The following NR4A1 variants were observed in gnomAD, a reference collection of about 807,000 sequenced individuals.
The protein encoded by NR4A1 is nuclear receptor subfamily 4immunitygroup A member 1.
Under a neutral mutation model 47.5 loss-of-function variants are expected in NR4A1, and 24 were observed. The observed-to-expected ratio is 0.50, with a 90% confidence interval of 0.37 to 0.71. The LOEUF (loss-of-function observed/expected upper bound fraction) is 0.71. Ranked by LOEUF, NR4A1 falls within the 30% of genes least tolerant of loss-of-function variation. NR4A1 has a pLI of 0.00. For synonymous variants in NR4A1, 353 were observed against 345.7 expected (o/e 1.02, Z -0.24); for missense variants, 669 against 788.6 (o/e 0.85, Z 1.82).
rs565432816 is a variant in NR4A1 at position 52,039,479 on chromosome 12, A to G, written c.-83-2331A>G. ...GGGCTGGGGACTTTTAGAGTCAGGG[A>G]TGTGATTCAACATAAGGAAGAACCT... is the stretch of plus-strand genomic sequence containing the variant. On this transcript the variant is annotated intron_variant, in intron 1 of 7. Coordinates refer to the NR4A1 transcript ENST00000360284. 2.8e-4 allele frequency among the ~76,000 whole-genome samples: 42 copies of G among 152,312 alleles called. No individual in the cohort carries two copies. In the South Asian group the frequency reaches 8.5e-3, roughly 31 times the overall value.
intron 1 of NR4A1, among the ~76,000 whole-genome samples, chr12:52,023,118 C>G (rs917245441): frequency 2.0e-5 from 3 of 152,252 alleles, no homozygotes; most frequent in Non-Finnish European, 2.9e-5. Context: ...GGGTTCCCGT[C>G]TAGACCAGAG....
At chr12:52,034,806 A>AG (rs1938202660) in intron 1 of NR4A1, among the ~76,000 whole-genome samples, 2 of 152,290 alleles carry the variant, frequency 1.3e-5, no homozygotes, top group South Asian at 4.1e-4. Flanking sequence ...GGGCAAAGCT[A>AG]GGGTAAGCAC....
At position 52,056,635 on chromosome 12, in the gene NR4A1, A is replaced by T; in HGVS notation, c.1148A>T (p.Asp383Val). ...LDSGPSTAKL[D>V]YSKFQELVLP... ...TCAGGGCCCAGCACTGCCAAACTGG[A>T]CTACTCCAAGGTGAGGTCCCACCCC... Residue 383 changes from aspartate to valine, a missense_variant, in exon 4 of 7, where the codon GAC becomes GTC. Coordinates refer to ENST00000394825, the MANE Select transcript of NR4A1 (RefSeq NM_173157.3). The T allele has an allele frequency of 6.3e-7, 1 of 1,597,592 alleles. No individual in the cohort carries two copies. Among genetic ancestry groups the T allele is most frequent in the South Asian group, 1.1e-5 (1 of 88,662 alleles).
At chr12:52,051,786 G>A (rs1202525846) in intron 1 of NR4A1, among the ~76,000 whole-genome samples, 1 of 152,154 alleles carries the variant, frequency 6.6e-6, no homozygotes, top group African/African-American at 2.4e-5. Context: ...AGTGGAAGCT[G>A]TAGGGGGTTG....
intron 1 of NR4A1, among the ~76,000 whole-genome samples, chr12:52,027,715 C>A (rs956949443): frequency 6.6e-6 from 1 of 152,210 alleles, no homozygotes; most frequent in Admixed American, 6.5e-5. Flanking sequence ...TGTTTCACGG[C>A]CCACTCTGTT....
At chr12:52,023,321 A>G (rs1257714143) in intron 1 of NR4A1, among the ~76,000 whole-genome samples, 1 of 151,416 alleles carries the variant, frequency 6.6e-6, no homozygotes, top group Non-Finnish European at 1.5e-5. Context: ...CGGGGCCGCG[A>G]GGCTGTGGGT....
At chr12:52,032,384 TG>T (rs1432048562) in intron 1 of NR4A1, among the ~76,000 whole-genome samples, 21 of 152,262 alleles carry the variant, frequency 1.4e-4, no homozygotes, top group African/African-American at 4.8e-4. Flanking sequence ...AGACGCGGAC[TG>T]GAACTACTCC....
chr12:52,043,016 C>T (rs939060753), intron 2 of NR4A1, among the ~76,000 whole-genome samples: 1 of 152,128 alleles, frequency 6.6e-6, no homozygotes, highest in Admixed American at 6.5e-5. Flanking sequence ...CAGAGAGCCC[C>T]AGAGAGGTGG....
Position 52,051,458 on chromosome 12 carries a change from G to C in NR4A1, c.-113G>C. On this transcript the variant is annotated 5_prime_UTR_variant, in exon 1 of 7. Transcript: ENST00000394825. Reference sequence around the variant, plus strand: ...CGGCCGGGGAGTCCCAGTGGCGGAGGCTACGAAACTTGGGGGAGTGCACAG... The same window carrying C: ...CGGCCGGGGAGTCCCAGTGGCGGAGCCTACGAAACTTGGGGGAGTGCACAG... 1.0e-6 allele frequency: 1 copy of C among 985,558 alleles called. No individual in the cohort carries two copies. Among genetic ancestry groups the C allele is most frequent in the Non-Finnish European group, 1.2e-6 (1 of 830,016 alleles). 61.1% of individuals were successfully genotyped at this position (985,558 alleles called of 1,614,324 possible). A position where few individuals can be genotyped will look rare whatever the true frequency, so the allele number is the denominator to read the frequency against.
intron 1 of NR4A1, among the ~76,000 whole-genome samples, chr12:52,052,017 C>T (rs769831662): frequency 1.1e-4 from 16 of 152,136 alleles, no homozygotes; most frequent in Non-Finnish European, 1.5e-4. Flanking sequence ...CCCAGCCTGT[C>T]AGCTCCCTCC....
intron 1 of NR4A1, among the ~76,000 whole-genome samples, chr12:52,024,222 C>T (rs778444436): frequency 6.6e-6 from 1 of 152,232 alleles, no homozygotes; most frequent in Non-Finnish European, 1.5e-5. Context: ...CATCCTTCTC[C>T]CTGCCCCAGC....
At chr12:52,056,796 A>C in intron 4 of NR4A1, 151 bp downstream of exon 4, 1 of 951,414 alleles carries the variant, frequency 1.1e-6, no homozygotes, top group Non-Finnish European at 1.5e-6. Context: ...CCAGTTCGAC[A>C]GATCAAAGAG....
intron 1 of NR4A1, among the ~76,000 whole-genome samples, chr12:52,051,948 C>T (rs1451984609): frequency 6.6e-6 from 1 of 152,092 alleles, no homozygotes; most frequent in African/African-American, 2.4e-5. Context: ...AGAGCTTTGG[C>T]GCTGCTGGGA....
chr12:52,024,451 C>T (rs1205619971), intron 1 of NR4A1, among the ~76,000 whole-genome samples: 1 of 152,212 alleles, frequency 6.6e-6, no homozygotes, highest in Non-Finnish European at 1.5e-5. Flanking sequence ...CTCACCAACA[C>T]TTTGGGAGGC....
Position 52,058,756 on chromosome 12 carries a change from G to A in NR4A1, c.1609G>A (p.Glu537Lys), listed in dbSNP as rs1413453896. The part of the protein sequence containing the change: ...LQNRIASCLK[E>K]HVAAVAGEPQ... ...GAACCGCATCGCCAGCTGCCTGAAGGAGCACGTGGCAGCTGTGGCGGGCGA... is the reference window on the plus strand; with the variant it reads ...GAACCGCATCGCCAGCTGCCTGAAGAAGCACGTGGCAGCTGTGGCGGGCGA... The change falls in exon 7 of 7, where the codon GAG becomes AAG. Residue 537 changes from glutamate (E) to lysine (K), a missense_variant. Physicochemically the swap from Glu to Lys is moderately conservative, Grantham distance 56. Coordinates refer to ENST00000394825, the MANE Select transcript of NR4A1 (RefSeq NM_173157.3). 6.2e-7 allele frequency: 1 copy of A among 1,612,828 alleles called. No homozygotes were observed. Among genetic ancestry groups the A allele is most frequent in the Admixed American group, 1.7e-5 (1 of 59,992 alleles).
At chr12:52,045,555 G>A in intron 2 of NR4A1, 1 of 452,396 alleles carries the variant, frequency 2.2e-6, no homozygotes, top group South Asian at 1.6e-5. Context: ...TTTCCATTGT[G>A]AACTGAATTC....
upstream of NR4A1, among the ~76,000 whole-genome samples, chr12:52,047,386 G>C (rs1938691805): frequency 6.6e-6 from 1 of 152,238 alleles, no homozygotes; most frequent in African/African-American, 2.4e-5. Flanking sequence ...CAAGGCCTGG[G>C]ATCCCCAAGC....
chr12:52,031,815 T>C (rs1250840991), intron 1 of NR4A1, among the ~76,000 whole-genome samples: 1 of 146,440 alleles, frequency 6.8e-6, no homozygotes, highest in African/African-American at 2.6e-5. Context: ...AGTCTCGCTC[T>C]GTTGCCCAGG....
chr12:52,054,714 C>G lies in NR4A1; in HGVS notation c.386C>G (p.Ser129Cys). ...GATGAGGCCCTGTCCTCCAGTGGCT[C>G]TGACTACTATGGCAGCCCCTGCTCG... ...PVDEALSSSGSDYYGSPCSAP... is the reference protein window; with the variant it reads ...PVDEALSSSGCDYYGSPCSAP... Residue 129 changes from serine (S) to cysteine (C), a missense_variant, in exon 2 of 7, where the codon TCT becomes TGT. Transcript: ENST00000394825. The G allele has an allele frequency of 6.2e-7, 1 of 1,613,702 alleles. No homozygotes were observed. Among genetic ancestry groups the G allele is most frequent in the Non-Finnish European group, 8.5e-7 (1 of 1,180,024 alleles).
Sources: allele counts gnomAD v4.1 joint callset (sites outside exome capture counted in the v4.1 genomes callset), GRCh38; gene constraint gnomAD v4.1.1; transcripts MANE v1.5; gene names NCBI Gene and HGNC (gene_info 2026-07-23, HGNC 2026-07-21).